MIER2: variants seen among roughly 807,000 people sequenced by gnomAD.
MIER2 encodes the protein mesoderm induction early response protein 2.
A neutral mutation model predicts 67.6 loss-of-function variants in MIER2; 30 were observed. The ratio of observed to expected loss-of-function variants is 0.44; its 90% confidence interval spans 0.33 to 0.60. The LOEUF is 0.60. MIER2 is among the 20% of genes least tolerant of loss of function. The pLI is 0.02. For missense variants in MIER2, 702 were observed against 745.1 expected (o/e 0.94, Z 0.67); for synonymous variants, 372 against 312.6 (o/e 1.19, Z -2.00).
chr19:341,212 C>A (rs1972485236), intron 1 of MIER2, among the ~76,000 whole-genome samples: 1 of 152,196 alleles, frequency 6.6e-6, no homozygotes, highest in Non-Finnish European at 1.5e-5. Context: ...TCTACTCCCG[C>A]AACCAGGAGC....
At chr19:310,567 TATAGAAACACG>T (rs1970919450) in intron 10 of MIER2, among the ~76,000 whole-genome samples, 2 of 150,438 alleles carry the variant, frequency 1.3e-5, no homozygotes, top group South Asian at 2.1e-4. Context: ...GGCCCGGAGC[TATAGAAACACG>T]GCCGGGAGCT....
intron 1 of MIER2, among the ~76,000 whole-genome samples, chr19:342,365 G>C (rs1972545403): frequency 6.6e-6 from 1 of 151,956 alleles, no homozygotes; most frequent in South Asian, 2.1e-4. Context: ...TGCAACTGCG[G>C]GTCAGGGAAG....
chr19:332,012 A>C (rs1026004200), intron 3 of MIER2, among the ~76,000 whole-genome samples: 1 of 152,224 alleles, frequency 6.6e-6, no homozygotes, highest in African/African-American at 2.4e-5. Flanking sequence ...CTGGATTTTC[A>C]TATTTGCTTC....
intron 6 of MIER2, 61 bp from the exon 7 acceptor site, chr19:325,765 G>A: frequency 1.3e-6 from 2 of 1,588,788 alleles, no homozygotes; most frequent in East Asian, 2.2e-5. Flanking sequence ...GCGGGAGGCT[G>A]GCTGCAGCGT....
At chr19:326,292 G>A (rs751633994) in intron 6 of MIER2, among the ~76,000 whole-genome samples, 20 of 150,372 alleles carry the variant, frequency 1.3e-4, no homozygotes, top group East Asian at 3.9e-4. Flanking sequence ...ACCACAGTCC[G>A]GATGCCAGGT....
chr19:310,527 T>C (rs1365108911), intron 10 of MIER2, among the ~76,000 whole-genome samples: 2 of 53,794 alleles, frequency 3.7e-5, no homozygotes, highest in African/African-American at 3.8e-4. Flanking sequence ...CCCTGAGCTA[T>C]AGAAACACGG....
At position 343,793 on chromosome 19, in the gene MIER2, G is replaced by C. The variant is rs1048894824; in HGVS notation, c.9+981C>G. 4.1e-6 allele frequency: 4 copies of C among 971,930 alleles called. No individual in the cohort carries two copies. The African/African-American group carries it at 5.3e-5, about 13-fold the overall frequency. The allele number at this position is 971,930 out of a possible 1,614,324, so 60.2% of individuals were successfully genotyped here. ...CCCACTGACTGAGCACCTCGCAGCC[G>C]CCGCACCTTCACCTACATTATCTCT... On this transcript the variant is annotated intron_variant, in intron 1 of 13. Transcript: ENST00000264819.
At chr19:317,105 A>G (rs1267087359) in intron 7 of MIER2, among the ~76,000 whole-genome samples, 1 of 152,220 alleles carries the variant, frequency 6.6e-6, no homozygotes, top group Non-Finnish European at 1.5e-5. Flanking sequence ...ATTAAAAAAC[A>G]AACAACAGGC....
At chr19:344,667 A>T in intron 1 of MIER2, 107 bp downstream of exon 1, 1 of 748,254 alleles carries the variant, frequency 1.3e-6, no homozygotes, top group Non-Finnish European at 1.7e-6. Flanking sequence ...TCAGAGCTCC[A>T]GAGCGGGGCT....
intron 7 of MIER2, 105 bp downstream of exon 7, chr19:325,530 G>T: frequency 2.3e-6 from 3 of 1,300,462 alleles, no homozygotes; most frequent in Non-Finnish European, 3.3e-6. Context: ...CCCAGTGAGC[G>T]ATGCGGGGCG....
intron 7 of MIER2, among the ~76,000 whole-genome samples, chr19:314,712 G>A (rs950938300): frequency 3.3e-5 from 5 of 151,904 alleles, no homozygotes; most frequent in African/African-American, 1.2e-4. Flanking sequence ...TTGGACAGAG[G>A]TGGTCTCCAA....
In MIER2 at chr19:306,603, G is replaced by C. The variant is rs1970660649; in HGVS notation, c.*87C>G. On this transcript the variant is annotated 3_prime_UTR_variant, in exon 14 of 14. Coordinates refer to ENST00000264819, the MANE Select transcript of MIER2 (RefSeq NM_017550.3). ...GTGCTACCCCAAGGCCCGGGGGGTG[G>C]GGAAGGGGTCAGGAAGACTGACAGA... 3 of 1,523,992 alleles carry C rather than the reference G, an allele frequency of 2.0e-6. No individual in the cohort carries two copies. The highest frequency in any genetic ancestry group is 2.4e-5 in the South Asian group (2 of 83,328). 94.4% of individuals were successfully genotyped at this position (1,523,992 alleles called of 1,614,324 possible).
chr19:327,840 G>C lies in MIER2; in HGVS notation c.369+24C>G, dbSNP rs551770182. On this transcript the variant is annotated intron_variant, in intron 4 of 13. Coordinates refer to ENST00000264819, the MANE Select transcript of MIER2 (RefSeq NM_017550.3). Reference sequence around the variant, plus strand: ...CCCCCCCACCTTCAGCTGTGAGCCAGTTCCAGGAAGGGCCCTCACTTACTT... The same window carrying C: ...CCCCCCCACCTTCAGCTGTGAGCCACTTCCAGGAAGGGCCCTCACTTACTT... The C allele has an allele frequency of 4.3e-6, 7 of 1,610,672 alleles. No homozygotes were observed. In the East Asian group the frequency reaches 1.6e-4, roughly 36 times the overall value.
chr19:308,727 C>A lies in MIER2; in HGVS notation c.1110-62G>T. On this transcript the variant is annotated intron_variant, in intron 11 of 13. Transcript: ENST00000264819. This position sits in a 1 kb window ranked among gnomAD's most constrained non-coding sequence, Gnocchi z 9.1. ...GACAGACGCCCCCACCCAAGAGGTG[C>A]CGCCCAGGCGCCCACGTGCCCACCC... 2 of 1,592,796 alleles carry A rather than the reference C, an allele frequency of 1.3e-6. No homozygotes were observed. Among genetic ancestry groups the A allele is most frequent in the South Asian group, 1.1e-5 (1 of 89,932 alleles).
chr19:326,996 T>C (rs548328332), intron 5 of MIER2, 137 bp downstream of exon 5: 1 of 1,264,480 alleles, frequency 7.9e-7, no homozygotes, highest in African/African-American at 1.5e-5. Context: ...CCAGGGCTAC[T>C]GACGCTTCCC....
chr19:311,241 G>A (rs1037660086), intron 10 of MIER2, among the ~76,000 whole-genome samples: 7 of 152,242 alleles, frequency 4.6e-5, no homozygotes, highest in Admixed American at 3.3e-4. Flanking sequence ...GCCATGGGAA[G>A]GTTTTCAGCC....
intron 1 of MIER2, among the ~76,000 whole-genome samples, chr19:342,601 GATCA>G (rs1972556534): frequency 6.7e-6 from 1 of 149,394 alleles, no homozygotes; most frequent in Non-Finnish European, 1.5e-5. Context: ...GTTTTTAAAA[GATCA>G]ATCTAGTATG....
At chr19:318,340 T>C in intron 7 of MIER2, among the ~76,000 whole-genome samples, 1 of 152,196 alleles carries the variant, frequency 6.6e-6, no homozygotes, top group East Asian at 1.9e-4. Flanking sequence ...TAAGTACTTA[T>C]TTACGGTAAG....
At chr19:322,791 G>A (rs777962639) in intron 7 of MIER2, among the ~76,000 whole-genome samples, 3 of 152,048 alleles carry the variant, frequency 2.0e-5, no homozygotes, top group Non-Finnish European at 4.4e-5. Flanking sequence ...ATCAAGTGCC[G>A]AGTGCCTATG....
Sources: gnomAD v4.1 joint callset for allele counts (sites outside exome capture counted in the v4.1 genomes callset) on GRCh38, gnomAD v4.1.1 for gene constraint, Gnocchi (gnomAD v3.1) non-coding constraint, MANE v1.5 for transcripts, NCBI Gene and HGNC (gene_info 2026-07-23, HGNC 2026-07-21) for gene names.